SGCZ: variants seen among roughly 807,000 people sequenced by gnomAD.
SGCZ encodes the protein sarcoglycan zeta, also known as zeta-sarcoglycan.
A neutral mutation model predicts 41.3 loss-of-function variants in SGCZ; 40 were observed. The observed-to-expected ratio is 0.97, with a 90% CI of 0.75 to 1.26. The LOEUF is 1.26. Ranked by LOEUF, SGCZ falls within the 50% of genes most tolerant of loss-of-function variation. SGCZ has a pLI of 0.00. For missense variants in SGCZ, 552 were observed against 369.8 expected (o/e 1.49, Z -4.04); for synonymous variants, 206 against 137.5 (o/e 1.50, Z -3.49).
intron 2 of SGCZ, among the ~76,000 whole-genome samples, chr8:14,395,787 G>C (rs80186068): frequency 2.6e-5 from 4 of 152,120 alleles, no homozygotes; most frequent in Non-Finnish European, 4.4e-5. Flanking sequence ...ATATAAAATC[G>C]ATCTGCAGGG....
intron 3 of SGCZ, among the ~76,000 whole-genome samples, chr8:14,300,816 G>A (rs542761864): frequency 3.3e-4 from 50 of 151,868 alleles, no homozygotes; most frequent in Non-Finnish European, 6.3e-4. Flanking sequence ...TTCTAATCAG[G>A]CTATTTGTTT....
intron 3 of SGCZ, among the ~76,000 whole-genome samples, chr8:14,268,357 G>A (rs201229407): frequency 3.4e-4 from 50 of 149,058 alleles, no homozygotes; most frequent in African/African-American, 9.8e-4. Context: ...ATATATATGT[G>A]TATATATATA....
chr8:14,329,441 C>A (rs1476274226), intron 2 of SGCZ, among the ~76,000 whole-genome samples: 1 of 152,164 alleles, frequency 6.6e-6, no homozygotes. Flanking sequence ...GTCTAATCAA[C>A]ACATTTAAAA....
chr8:14,313,913 T>G (rs1436370915), intron 3 of SGCZ, among the ~76,000 whole-genome samples: 5 of 18,182 alleles, frequency 2.7e-4, no homozygotes, highest in African/African-American at 1.7e-3. Flanking sequence ...CATCTCTCTG[T>G]GTGTGTGTGT....
At chr8:14,535,574 T>A (rs566569833) in intron 2 of SGCZ, among the ~76,000 whole-genome samples, 17 of 152,082 alleles carry the variant, frequency 1.1e-4, no homozygotes, top group African/African-American at 3.9e-4. Context: ...AATCCTATTA[T>A]CATTAAACTT....
chr8:14,966,374 T>A (rs1023359797), intron 1 of SGCZ, among the ~76,000 whole-genome samples: 1 of 151,632 alleles, frequency 6.6e-6, no homozygotes, highest in African/African-American at 2.4e-5. Context: ...CAAGAAAAAA[T>A]TTATTCATAT....
chr8:14,218,832 A>T (rs1806089984), intron 4 of SGCZ, among the ~76,000 whole-genome samples: 1 of 152,184 alleles, frequency 6.6e-6, no homozygotes. Flanking sequence ...GTGGTCCAAG[A>T]AGTTTTGCCA....
chr8:14,310,620 C>T (rs1801503934), intron 3 of SGCZ, among the ~76,000 whole-genome samples: 2 of 152,164 alleles, frequency 1.3e-5, no homozygotes, highest in South Asian at 4.2e-4. Flanking sequence ...AGGAGTAAAG[C>T]AGTCCCATTC....
chr8:14,656,293 A>AC (rs1259830034), intron 1 of SGCZ, among the ~76,000 whole-genome samples: 1 of 151,956 alleles, frequency 6.6e-6, no homozygotes, highest in African/African-American at 2.4e-5. Context: ...TAAATGTGAA[A>AC]CAGCAAGATT....
chr8:14,741,078 A>C (rs964620357), intron 1 of SGCZ, among the ~76,000 whole-genome samples: 3 of 152,068 alleles, frequency 2.0e-5, no homozygotes, highest in Non-Finnish European at 4.4e-5. Context: ...TTTTCTTGTA[A>C]AACTGCAGTA....
intron 1 of SGCZ, among the ~76,000 whole-genome samples, chr8:14,761,641 A>C (rs1280252912): frequency 6.6e-6 from 1 of 151,072 alleles, no homozygotes; most frequent in Non-Finnish European, 1.5e-5. Flanking sequence ...CGAACAATTC[A>C]GCTTCAGGAG....
chr8:14,988,276 A>C (rs1801894681), intron 1 of SGCZ, among the ~76,000 whole-genome samples: 2 of 152,026 alleles, frequency 1.3e-5, no homozygotes, highest in African/African-American at 4.8e-5. Flanking sequence ...AAAAACTCTG[A>C]AAACAAAGGA....
intron 5 of SGCZ, among the ~76,000 whole-genome samples, chr8:14,121,449 T>A (rs1802693328): frequency 1.3e-5 from 2 of 152,162 alleles, no homozygotes; most frequent in African/African-American, 4.8e-5. Flanking sequence ...TGCTCTTTTT[T>A]AAAGTACCCG....
chr8:15,073,353 G>A (rs1341741768), intron 1 of SGCZ, among the ~76,000 whole-genome samples: 1 of 152,144 alleles, frequency 6.6e-6, no homozygotes, highest in Non-Finnish European at 1.5e-5. Context: ...GAGTGAAGAG[G>A]AAAGAGAGAG....
chr8:14,205,114 C>T (rs1223454632), intron 4 of SGCZ, among the ~76,000 whole-genome samples: 1 of 152,050 alleles, frequency 6.6e-6, no homozygotes, highest in Non-Finnish European at 1.5e-5. Flanking sequence ...ATCCACTTCT[C>T]AAAATACATG....
chr8:14,379,991 C>T (rs140226311), intron 2 of SGCZ, among the ~76,000 whole-genome samples: 1,554 of 152,206 alleles, frequency 0.01, 31 homozygotes, highest in African/African-American at 0.032. Context: ...CCTCGGCCTC[C>T]GAAGTGCTGG....
intron 1 of SGCZ, among the ~76,000 whole-genome samples, chr8:14,787,290 T>G (rs948436397): frequency 1.3e-5 from 2 of 152,008 alleles, no homozygotes; most frequent in Non-Finnish European, 2.9e-5. Flanking sequence ...AGTAATAACT[T>G]AGAGTTGTGC....
intron 1 of SGCZ, among the ~76,000 whole-genome samples, chr8:14,910,905 G>C (rs1799263077): frequency 6.6e-6 from 1 of 151,868 alleles, no homozygotes; most frequent in African/African-American, 2.4e-5. Context: ...AGCTTAATCA[G>C]TGACCTTAAA....
intron 1 of SGCZ, among the ~76,000 whole-genome samples, chr8:15,212,722 G>A (rs773007784): frequency 2.0e-4 from 30 of 151,720 alleles, no homozygotes; most frequent in South Asian, 8.3e-4. Context: ...AGGTAAAGCA[G>A]AATTTTGACT....
Sources: allele counts gnomAD v4.1 joint callset (sites outside exome capture counted in the v4.1 genomes callset), GRCh38; gene constraint gnomAD v4.1.1; transcripts MANE v1.5; gene names NCBI Gene and HGNC (gene_info 2026-07-23, HGNC 2026-07-21).